The following CCDC15 variants were observed in gnomAD, a reference collection of about 807,000 sequenced individuals.
CCDC15 encodes the protein coiled-coil domain-containing protein 15.
CCDC15 carries 105 observed loss-of-function variants against 114.5 expected under a neutral mutation model. The ratio of observed to expected loss-of-function variants is 0.92; its 90% confidence interval spans 0.78 to 1.08. CCDC15 has a LOEUF of 1.08. Among genes scored for constraint, CCDC15 ranks in the 50% least tolerant of loss-of-function variants. CCDC15 has a pLI of 0.00. For missense variants in CCDC15, 1,105 were observed against 1,093.6 expected (o/e 1.01, Z -0.15); for synonymous variants, 334 against 377.8 (o/e 0.88, Z 1.34).
At chr11:124,980,136 A>C (rs1287431078) in intron 6 of CCDC15, among the ~76,000 whole-genome samples, 13 of 152,054 alleles carry the variant, frequency 8.5e-5, no homozygotes, top group Admixed American at 8.5e-4. Context: ...ATTATGGTGG[A>C]TTAGCTTTTT....
At position 124,987,330 on chromosome 11, in the gene CCDC15, G is replaced by C. The variant is rs557493879; in HGVS notation, c.1104G>C (p.Gln368His). ...CCCAGGCTGTTGAAATGAAGGTTCA[G>C]GTTACTGAGCCAGAAGGCCAGGCCA... ...PDTQAVEMKV[Q>H]VTEPEGQAIE... The change falls in exon 8 of 16, where the codon CAG (glutamine) becomes CAC (histidine). Residue 368 changes from glutamine to histidine, a missense_variant. Gln to His is a conservative substitution (Grantham distance 24, BLOSUM62 0). Transcript: ENST00000344762. 1 of 1,613,704 alleles carries C rather than the reference G, an allele frequency of 6.2e-7. No individual in the cohort carries two copies. Among genetic ancestry groups the C allele is most frequent in the Non-Finnish European group, 8.5e-7 (1 of 1,179,852 alleles).
chr11:124,954,917 T>A lies in CCDC15; in HGVS notation c.177+8T>A, dbSNP rs201881820. ...TCGGAAATCCCAGCATATGTGAGTGTCAGTTTGATCCAAATATGGTGGGGT... is the reference window on the plus strand; with the variant it reads ...TCGGAAATCCCAGCATATGTGAGTGACAGTTTGATCCAAATATGGTGGGGT... On this transcript the variant is annotated splice_region_variant and intron_variant, in intron 2 of 15. Transcript: ENST00000344762. 6.2e-7 allele frequency: 1 copy of A among 1,613,334 alleles called. No individual in the cohort carries two copies. Among genetic ancestry groups the A allele is most frequent in the Non-Finnish European group, 8.5e-7 (1 of 1,179,352 alleles).
intron 13 of CCDC15, among the ~76,000 whole-genome samples, chr11:125,011,520 G>A (rs781055605): frequency 1.8e-4 from 28 of 152,080 alleles, no homozygotes; most frequent in Non-Finnish European, 3.7e-4. Flanking sequence ...ACAGGGTTGA[G>A]CCACCATGCC....
At chr11:124,983,596 T>C (rs1712345812) in intron 6 of CCDC15, among the ~76,000 whole-genome samples, 1 of 152,134 alleles carries the variant, frequency 6.6e-6, no homozygotes, top group African/African-American at 2.4e-5. Flanking sequence ...TCTGGGGGGC[T>C]GGTATTGGCC....
chr11:124,987,243 C>T lies in CCDC15; in HGVS notation c.1017C>T (p.Ala339=). The T allele has an allele frequency of 6.4e-7, 1 of 1,568,316 alleles. No homozygotes were observed. The highest frequency in any genetic ancestry group is 1.2e-5 in the South Asian group (1 of 81,712). ...AAGCCCAGGATTATTTTCTAGAAGC[C>T]CAAGGTGATTTGCTGGAAACCCAGG... ...LPEAQDYFLE[A]QGDLLETQGD... is the part of the protein sequence containing the mutation. Residue 339 remains alanine (A), a synonymous_variant, in exon 8 of 16, where the codon GCC becomes GCT. Transcript: ENST00000344762.
chr11:124,963,839 C>T (rs1216227419), intron 4 of CCDC15, among the ~76,000 whole-genome samples: 3 of 152,136 alleles, frequency 2.0e-5, no homozygotes, highest in Non-Finnish European at 4.4e-5. Flanking sequence ...AGGAAGGGAT[C>T]CAGTTTCAGC....
chr11:125,021,869 T>C (rs1332540941), intron 13 of CCDC15, among the ~76,000 whole-genome samples: 5 of 151,956 alleles, frequency 3.3e-5, no homozygotes, highest in Non-Finnish European at 7.4e-5. Flanking sequence ...TTTTCTGTCA[T>C]CATTGACTTC....
At position 124,993,223 on chromosome 11, in the gene CCDC15, A is replaced by T; in HGVS notation, c.2194A>T (p.Asn732Tyr). ...TGAGAAATGGGAGATTGCAAGAGGA[A>T]ATACTCCTGGAGTGCCCTTGGTATG... ...SFEKWEIARG[N>Y]TPGVPLAYDR... The change falls in exon 11 of 16, where the codon AAT (asparagine) becomes TAT (tyrosine). Residue 732 changes from asparagine (N) to tyrosine (Y), a missense_variant. By Grantham distance (143) the Asn-to-Tyr change is moderately radical. Transcript: ENST00000344762. The T allele has an allele frequency of 6.2e-7, 1 of 1,605,098 alleles. No homozygotes were observed. Among genetic ancestry groups the T allele is most frequent in the Non-Finnish European group, 8.5e-7 (1 of 1,173,778 alleles).
chr11:125,016,444 A>G (rs1352627538), intron 13 of CCDC15, among the ~76,000 whole-genome samples: 1 of 152,186 alleles, frequency 6.6e-6, no homozygotes, highest in African/African-American at 2.4e-5. Flanking sequence ...ACTTTTAAGC[A>G]GAATTCTCTT....
At position 124,964,112 on chromosome 11, in the gene CCDC15, C is replaced by T. The variant is rs867496274; in HGVS notation, c.516+4109C>T. Among the ~76,000 whole-genome samples, 56 of 152,102 alleles carry T rather than the reference C, an allele frequency of 3.7e-4. 1 individual carries two copies. Among genetic ancestry groups the T allele is most frequent in the Middle Eastern group, 3.2e-3 (1 of 316 alleles). ...CTTTGTTCTTTTTGTTTAGGATTGT[C>T]GTGGCAATGCGGGCTCTTTTTTGGT... On this transcript the variant is annotated intron_variant, in intron 4 of 15. Coordinates refer to ENST00000344762, the MANE Select transcript of CCDC15 (RefSeq NM_025004.3).
Position 124,986,730 on chromosome 11 carries a change from T to G in CCDC15, c.754-12T>G, listed in dbSNP as rs1378043936. On this transcript the variant is annotated splice_polypyrimidine_tract_variant and intron_variant, in intron 6 of 15. Transcript: ENST00000344762. ...GCGCGCGCGTGCGCGTTTTCATTGT[T>G]TTTTTCTTTAGGAACTTGACTATGA... 6.6e-7 allele frequency: 1 copy of G among 1,518,166 alleles called. No homozygotes were observed. Among genetic ancestry groups the G allele is most frequent in the Admixed American group, 2.2e-5 (1 of 46,386 alleles). The allele number at this position is 1,518,166 out of a possible 1,614,324, so 94.0% of individuals were successfully genotyped here.
At chr11:124,976,281 A>G (rs1404912740) in intron 5 of CCDC15, among the ~76,000 whole-genome samples, 2 of 150,980 alleles carry the variant, frequency 1.3e-5, no homozygotes, top group Non-Finnish European at 3.0e-5. Context: ...TGACCCAACC[A>G]TTAAAAATGT....
At chr11:124,956,536 G>GT (rs1394721421) in intron 2 of CCDC15, among the ~76,000 whole-genome samples, 1 of 152,118 alleles carries the variant, frequency 6.6e-6, no homozygotes, top group Non-Finnish European at 1.5e-5. Context: ...TGGTATTTAA[G>GT]TTGTTGACAC....
At chr11:124,960,747 A>G (rs1000514880) in intron 4 of CCDC15, among the ~76,000 whole-genome samples, 9 of 152,184 alleles carry the variant, frequency 5.9e-5, no homozygotes, top group Non-Finnish European at 1.2e-4. Context: ...ATCCATTCAC[A>G]TTGCTTGACT....
intron 13 of CCDC15, among the ~76,000 whole-genome samples, chr11:125,025,308 A>T (rs188969250): frequency 6.6e-6 from 1 of 151,084 alleles, no homozygotes; most frequent in East Asian, 1.9e-4. Context: ...GAGATTTGCT[A>T]AACTTTTGTG....
Position 125,005,154 on chromosome 11 carries a change from G to A in CCDC15, c.2353G>A (p.Glu785Lys). ...ACATAGACGACTTTTCATGGATATT[G>A]AGAGAGAACAAGTTAAAGAACAACA... ...LRHRRLFMDI[E>K]REQVKEQQRQ... is the part of the protein sequence containing the mutation. Residue 785 changes from glutamate (E) to lysine (K), a missense_variant, in exon 13 of 16, where the codon GAG (glutamate) becomes AAG (lysine). By Grantham distance (56) the Glu-to-Lys change is moderately conservative. Transcript: ENST00000344762. 6.4e-7 allele frequency: 1 copy of A among 1,574,038 alleles called. No individual in the cohort carries two copies. Among genetic ancestry groups the A allele is most frequent in the Non-Finnish European group, 8.6e-7 (1 of 1,156,412 alleles).
At chr11:124,983,839 G>T (rs1948112658) in intron 6 of CCDC15, among the ~76,000 whole-genome samples, 2 of 152,112 alleles carry the variant, frequency 1.3e-5, no homozygotes. Flanking sequence ...CTCCTTGTGG[G>T]CATTTGCAGT....
intron 2 of CCDC15, among the ~76,000 whole-genome samples, chr11:124,955,209 T>G (rs117498671): frequency 1.7e-3 from 259 of 152,372 alleles, no homozygotes; most frequent in Non-Finnish European, 2.6e-3. Context: ...TCTTGATTGC[T>G]TGTTATGCCC....
At chr11:125,031,376 G>C (rs1009986263) in intron 13 of CCDC15, among the ~76,000 whole-genome samples, 2 of 152,238 alleles carry the variant, frequency 1.3e-5, no homozygotes, top group African/African-American at 4.8e-5. Context: ...GAGACCATGG[G>C]CATTTGAGCC....
Sources: allele counts gnomAD v4.1 joint callset (sites outside exome capture counted in the v4.1 genomes callset), GRCh38; gene constraint gnomAD v4.1.1; transcripts MANE v1.5; gene names NCBI Gene and HGNC (gene_info 2026-07-23, HGNC 2026-07-21).